Variants in SRD5A2 observed in about 807,000 individuals in gnomAD.
The protein encoded by SRD5A2 is steroid 5 alpha-reductase 2.
A neutral mutation model predicts 27.4 loss-of-function variants in SRD5A2; 30 were observed. The observed-to-expected ratio is 1.10, with a 90% CI of 0.82 to 1.49. SRD5A2 has a LOEUF of 1.49. Among genes scored for constraint, SRD5A2 ranks in the 40% most tolerant of loss-of-function variants. The probability of loss-of-function intolerance (pLI) is 0.00; values close to 1 mark genes in which losing one functional copy is unlikely to be tolerated. For synonymous variants in SRD5A2, 141 were observed against 133.6 expected (o/e 1.06, Z -0.38); for missense variants, 348 against 323.4 (o/e 1.08, Z -0.58).
upstream of SRD5A2, among the ~76,000 whole-genome samples, chr2:31,585,760 C>T (rs1181127639): frequency 6.6e-6 from 1 of 152,130 alleles, no homozygotes; most frequent in African/African-American, 2.4e-5. Context: ...CTTGGGGGCC[C>T]TTGATTCCAA....
the SRD5A2 span, among the ~76,000 whole-genome samples, chr2:31,587,619 C>G: frequency 6.6e-6 from 1 of 152,204 alleles, no homozygotes; most frequent in Admixed American, 6.5e-5. Context: ...AAGCTGTAAG[C>G]CATCATTCTC....
At chr2:31,609,199 T>G in the SRD5A2 span, among the ~76,000 whole-genome samples, 1 of 152,094 alleles carries the variant, frequency 6.6e-6, no homozygotes, top group Admixed American at 6.6e-5. Context: ...TACAGCAGCC[T>G]GAGCAAACTA....
chr2:31,550,540 T>C (rs1372998073), intron 1 of SRD5A2, among the ~76,000 whole-genome samples: 1 of 152,024 alleles, frequency 6.6e-6, no homozygotes, highest in African/African-American at 2.4e-5. Context: ...AAGAATTATA[T>C]AGCATGACCA....
the SRD5A2 span, among the ~76,000 whole-genome samples, chr2:31,658,415 C>T: frequency 6.6e-6 from 1 of 151,738 alleles, no homozygotes; most frequent in Non-Finnish European, 1.5e-5. Flanking sequence ...AAAAACCATA[C>T]AAAACCAAAA....
chr2:31,596,217 G>C, the SRD5A2 span, among the ~76,000 whole-genome samples: 1 of 151,888 alleles, frequency 6.6e-6, no homozygotes, highest in Non-Finnish European at 1.5e-5. Flanking sequence ...GTGAAAACCC[G>C]TCTCTACTAA....
At chr2:31,631,553 C>T in the SRD5A2 span, among the ~76,000 whole-genome samples, 1 of 151,968 alleles carries the variant, frequency 6.6e-6, no homozygotes, top group Non-Finnish European at 1.5e-5. Flanking sequence ...GTGTACGTAC[C>T]TTTTTTCCTG....
chr2:31,595,271 T>C, the SRD5A2 span, among the ~76,000 whole-genome samples: 1 of 152,130 alleles, frequency 6.6e-6, no homozygotes, highest in African/African-American at 2.4e-5. Flanking sequence ...AAAAAGTTGA[T>C]TCTTTGAAAA....
At chr2:31,614,706 C>G in the SRD5A2 span, among the ~76,000 whole-genome samples, 577 of 152,290 alleles carry the variant, frequency 3.8e-3, 3 homozygotes, top group African/African-American at 0.012. Flanking sequence ...GCCTGGATAT[C>G]CAGGCATTTC....
In SRD5A2 at chr2:31,526,077, G is replaced by A. The variant is rs187924868; in HGVS notation, c.*119C>T. 6.4e-4 allele frequency: 389 copies of A among 610,934 alleles called. 2 individuals carry two copies. The highest frequency in any genetic ancestry group is 9.5e-4 in the Non-Finnish European group (345 of 364,248). 37.8% of individuals were successfully genotyped at this position (610,934 alleles called of 1,614,324 possible). The stretch of plus-strand genomic sequence containing the variant: ...GAATCCCCAGGCCAGCTGGCAGAAC[G>A]CCAGGAGACCTACTATTACATATAT... On this transcript the variant is annotated 3_prime_UTR_variant, in exon 5 of 5. Transcript: ENST00000622030.
intron 1 of SRD5A2, among the ~76,000 whole-genome samples, chr2:31,545,478 C>A (rs1174499581): frequency 6.6e-6 from 1 of 152,024 alleles, no homozygotes; most frequent in Non-Finnish European, 1.5e-5. Context: ...GAGGGTAAAA[C>A]ACGTGGTCAA....
At chr2:31,535,329 T>C (rs1242519402) in intron 1 of SRD5A2, among the ~76,000 whole-genome samples, 2 of 152,134 alleles carry the variant, frequency 1.3e-5, no homozygotes, top group Admixed American at 6.6e-5. Context: ...TGAGCCAAAT[T>C]TTATAAACAT....
intron 3 of SRD5A2, among the ~76,000 whole-genome samples, chr2:31,529,686 T>C (rs1277913881): frequency 2.0e-5 from 3 of 152,168 alleles, no homozygotes; most frequent in Non-Finnish European, 4.4e-5. Flanking sequence ...TGGCCTCAAC[T>C]GCTTAACGGG....
chr2:31,592,051 A>G, the SRD5A2 span, among the ~76,000 whole-genome samples: 1 of 151,384 alleles, frequency 6.6e-6, no homozygotes, highest in East Asian at 1.9e-4. Context: ...ACAAACCTGC[A>G]CATTGTGCAC....
At chr2:31,536,263 A>G (rs1010584098) in intron 1 of SRD5A2, among the ~76,000 whole-genome samples, 1 of 152,240 alleles carries the variant, frequency 6.6e-6, no homozygotes, top group South Asian at 2.1e-4. Context: ...CAGGCTCACT[A>G]CTGTAACAAA....
chr2:31,624,533 C>T, the SRD5A2 span, among the ~76,000 whole-genome samples: 2 of 150,564 alleles, frequency 1.3e-5, no homozygotes, highest in Non-Finnish European at 3.0e-5. Flanking sequence ...CCCACACAGG[C>T]TCTGTGATGT....
chr2:31,618,945 T>C, the SRD5A2 span, among the ~76,000 whole-genome samples: 3 of 152,124 alleles, frequency 2.0e-5, no homozygotes, highest in South Asian at 6.2e-4. Context: ...ACCTGATAAA[T>C]CTACATAATT....
At chr2:31,653,806 C>A in the SRD5A2 span, among the ~76,000 whole-genome samples, 1 of 152,090 alleles carries the variant, frequency 6.6e-6, no homozygotes, top group African/African-American at 2.4e-5. Context: ...ATTACAGGTG[C>A]CCGCCACCAT....
At chr2:31,548,687 A>ATTAACCACCATAATTAATTACTC (rs1666313935) in intron 1 of SRD5A2, among the ~76,000 whole-genome samples, 1 of 152,228 alleles carries the variant, frequency 6.6e-6, no homozygotes, top group South Asian at 2.1e-4. Flanking sequence ...TGGTTACTCA[A>ATTAACCACCATAATTAATTACTC]AAATTAAAAA....
the SRD5A2 span, among the ~76,000 whole-genome samples, chr2:31,656,797 AG>A: frequency 6.6e-6 from 1 of 152,216 alleles, no homozygotes; most frequent in Non-Finnish European, 1.5e-5. Context: ...TTGGGACAAT[AG>A]CATGAACAGA....
Sources: allele counts gnomAD v4.1 joint callset (sites outside exome capture counted in the v4.1 genomes callset), GRCh38; gene constraint gnomAD v4.1.1; transcripts MANE v1.5; gene names NCBI Gene and HGNC (gene_info 2026-07-23, HGNC 2026-07-21).